UNK: variants seen among roughly 807,000 people sequenced by gnomAD.
UNK encodes the protein unk zinc finger.
In UNK, 32 loss-of-function variants were observed where a neutral mutation model predicts 97.6. The ratio of observed to expected loss-of-function variants is 0.33; its 90% confidence interval spans 0.25 to 0.44. The LOEUF (loss-of-function observed/expected upper bound fraction) is 0.44, where lower values mean the gene tolerates loss of function less well. Among genes scored for constraint, UNK ranks in the 20% least tolerant of loss-of-function variants. The pLI, the probability that UNK is intolerant of heterozygous loss-of-function variation, is 1.00. For missense variants in UNK, 771 were observed against 1,098.4 expected, an observed-to-expected ratio of 0.70 and a Z score of 4.21; for synonymous variants, 441 against 461.2, an observed-to-expected ratio of 0.96 and a Z score of 0.56.
At chr17:75,811,052 A>C (rs778239262) in intron 2 of UNK, among the ~76,000 whole-genome samples, 157 of 151,144 alleles carry the variant, frequency 1.0e-3, no homozygotes, top group Non-Finnish European at 2.0e-3. Context: ...TCTCGGGTTC[A>C]AGCAGTTCTA....
rs527395188 is a variant in UNK at position 75,819,139 on chromosome 17, G to A, written c.1546+323G>A. 6.2e-5 allele frequency: 18 copies of A among 292,622 alleles called. No individual in the cohort carries two copies. The South Asian group carries it at 1.2e-3, about 19-fold the overall frequency. The allele number at this position is 292,622 out of a possible 1,614,324, so 18.1% of individuals were successfully genotyped here. On this transcript the variant is annotated intron_variant, in intron 11 of 15. Transcript: ENST00000589666. The surrounding 1 kb of genome is among the most constrained non-coding windows in gnomAD (Gnocchi z 5.4). ...TTGTGTAGTGAATGGCCAGCACGAC[G>A]TTCTCAGAATCCCTGGTGCTAGAAG...
At position 75,818,583 on chromosome 17, in the gene UNK, C is replaced by T. The variant is rs986210156; in HGVS notation, c.1372-59C>T. ...TGCCCCCAGCCCCTCTCCAGCCTCT[C>T]GTCCTGGCCTCCGTATGCAGGCCTA... On this transcript the variant is annotated intron_variant, in intron 10 of 15. Coordinates refer to ENST00000589666, the MANE Select transcript of UNK (RefSeq NM_001080419.3). This position sits in a 1 kb window ranked among gnomAD's most constrained non-coding sequence, Gnocchi z 5.1. 5.3e-6 allele frequency: 8 copies of T among 1,520,176 alleles called. No individual in the cohort carries two copies. In the African/African-American group the frequency reaches 6.9e-5, roughly 13 times the overall value. The allele number at this position is 1,520,176 out of a possible 1,614,324, so 94.2% of individuals were successfully genotyped here.
At chr17:75,792,436 A>C in intron 1 of UNK, 1 of 985,382 alleles carries the variant, frequency 1.0e-6, no homozygotes, top group Non-Finnish European at 1.2e-6. Context: ...ATCTTGGATG[A>C]ATTTGGGTCA....
chr17:75,794,359 G>A (rs1186709246), intron 1 of UNK, among the ~76,000 whole-genome samples: 1 of 152,182 alleles, frequency 6.6e-6, no homozygotes, highest in Admixed American at 6.5e-5. Context: ...TTAGTTAGCC[G>A]GGCATGGTGG....
chr17:75,789,772 G>A (rs887411565), intron 1 of UNK, among the ~76,000 whole-genome samples: 1 of 152,118 alleles, frequency 6.6e-6, no homozygotes, highest in African/African-American at 2.4e-5. Context: ...AACTTTTGTA[G>A]CAATCACGTC....
rs371022293 is a variant in UNK, at chr17:75,817,570, G to A, written c.1305+44G>A. The A allele has an allele frequency of 1.9e-5, 29 of 1,530,832 alleles. No homozygotes were observed. Among genetic ancestry groups the A allele is most frequent in the African/African-American group, 4.1e-5 (3 of 72,824 alleles). The allele number at this position is 1,530,832 out of a possible 1,614,324, so 94.8% of individuals were successfully genotyped here. On this transcript the variant is annotated intron_variant, in intron 9 of 15. Transcript: ENST00000589666. This position sits in a 1 kb window ranked among gnomAD's most constrained non-coding sequence, Gnocchi z 5.8. ...AGCAGTGAGGTTAGCCTTCTCCTGC[G>A]TGGGGCAAGAGAATCTTGGAGGAGT... is the stretch of plus-strand genomic sequence containing the variant.
At chr17:75,785,088 C>T (rs754577604) in intron 1 of UNK, 104 bp downstream of exon 1, 106 of 735,092 alleles carry the variant, frequency 1.4e-4, no homozygotes, top group South Asian at 2.8e-4. Context: ...TTCCTCCCCC[C>T]CTTCCTCCTC....
intron 6 of UNK, among the ~76,000 whole-genome samples, chr17:75,814,488 TC>T (rs1300536967): frequency 2.6e-3 from 28 of 10,682 alleles, no homozygotes; most frequent in African/African-American, 5.7e-3. Context: ...CGAGACTCCA[TC>T]AAAAAAAAAA....
chr17:75,821,786 T>TA, intron 13 of UNK: 1 of 453,424 alleles, frequency 2.2e-6, no homozygotes, highest in South Asian at 1.6e-5. Flanking sequence ...CTGATGTTAG[T>TA]AAACATCTGT....
intron 1 of UNK, chr17:75,792,213 A>C: frequency 1.1e-6 from 1 of 896,792 alleles, no homozygotes; most frequent in Non-Finnish European, 1.3e-6. Flanking sequence ...GCTGCATTAC[A>C]TTAAATAGTG....
intron 1 of UNK, among the ~76,000 whole-genome samples, chr17:75,788,380 G>T (rs570046643): frequency 6.6e-6 from 1 of 152,208 alleles, no homozygotes; most frequent in African/African-American, 2.4e-5. Flanking sequence ...GGGTTTCACT[G>T]TGTTGGCCAG....
At chr17:75,787,225 C>CT (rs1336343111) in intron 1 of UNK, among the ~76,000 whole-genome samples, 1 of 151,768 alleles carries the variant, frequency 6.6e-6, no homozygotes, top group Admixed American at 6.6e-5. Flanking sequence ...TTTTCTTTTT[C>CT]TTTTTTTTAA....
intron 1 of UNK, among the ~76,000 whole-genome samples, chr17:75,788,272 C>G (rs182888944): frequency 6.6e-6 from 1 of 151,814 alleles, no homozygotes; most frequent in Non-Finnish European, 1.5e-5. Flanking sequence ...CTCCACCTCC[C>G]GGGTTTAAGC....
chr17:75,799,261 G>T (rs2061834975), intron 1 of UNK, among the ~76,000 whole-genome samples: 1 of 152,144 alleles, frequency 6.6e-6, no homozygotes, highest in Non-Finnish European at 1.5e-5. Flanking sequence ...ACCTGTAATT[G>T]CACTACTGCA....
chr17:75,813,508 TAGCTCC>T (rs2061989239), intron 5 of UNK, among the ~76,000 whole-genome samples: 2 of 152,174 alleles, frequency 1.3e-5, no homozygotes, highest in Non-Finnish European at 2.9e-5. Flanking sequence ...AGTGTGGTTG[TAGCTCC>T]AGCCTGACCC....
chr17:75,814,447 G>T (rs1320245581), intron 6 of UNK, among the ~76,000 whole-genome samples: 1 of 126,640 alleles, frequency 7.9e-6, no homozygotes, highest in African/African-American at 3.0e-5. Flanking sequence ...AGCCAAGATC[G>T]CACCACTGCA....
chr17:75,801,857 T>G (rs577916721), intron 1 of UNK, among the ~76,000 whole-genome samples: 89 of 151,294 alleles, frequency 5.9e-4, no homozygotes, highest in African/African-American at 2.1e-3. Context: ...CCAGCCTTTT[T>G]TTTTTTTTTG....
Position 75,818,070 on chromosome 17 carries a change from A to G in UNK, c.1306-33A>G, listed in dbSNP as rs1398473921. 6.2e-7 allele frequency: 1 copy of G among 1,610,482 alleles called. No individual in the cohort carries two copies. Among genetic ancestry groups the G allele is most frequent in the African/African-American group, 1.3e-5 (1 of 74,866 alleles). The stretch of plus-strand genomic sequence containing the variant: ...ATGGACTCAGGGACCCCCCAGCACC[A>G]CATTCATCCACTCCCTGAATTTTCT... On this transcript the variant is annotated intron_variant, in intron 9 of 15. Coordinates refer to ENST00000589666, the MANE Select transcript of UNK (RefSeq NM_001080419.3). This position sits in a 1 kb window ranked among gnomAD's most constrained non-coding sequence, Gnocchi z 5.1.
At chr17:75,812,427 C>A in intron 3 of UNK, 28 bp from the exon 4 acceptor site, 1 of 1,601,812 alleles carries the variant, frequency 6.2e-7, no homozygotes. Flanking sequence ...CCCCTCTCCA[C>A]CCTCTCTGTT....
Sources: gnomAD v4.1 joint callset for allele counts (sites outside exome capture counted in the v4.1 genomes callset) on GRCh38, gnomAD v4.1.1 for gene constraint, Gnocchi (gnomAD v3.1) non-coding constraint, MANE v1.5 for transcripts, NCBI Gene and HGNC (gene_info 2026-07-23, HGNC 2026-07-21) for gene names.